Variants in KCTD1 observed in about 807,000 individuals in gnomAD.
KCTD1 encodes the protein potassium channel tetramerization domain containing 1.
In KCTD1, 24 loss-of-function variants were observed where a neutral mutation model predicts 66.0. The ratio of observed to expected loss-of-function variants is 0.36; its 90% CI spans 0.26 to 0.51. The LOEUF is 0.51. KCTD1 is among the 20% of genes least tolerant of loss of function. KCTD1 has a pLI of 0.95. For missense variants in KCTD1, 943 were observed against 1,205.2 expected (o/e 0.78, Z 3.22); for synonymous variants, 511 against 517.2 (o/e 0.99, Z 0.16).
rs1985027825 is a variant in KCTD1 at position 26,542,649 on chromosome 18, C to T, written c.1809+4079G>A. ...GGTCCTCGGAAAACAAAGGCTTCTT[C>T]CTGCTTGAAAACTACTTAGTAATGA... On this transcript the variant is annotated intron_variant, in intron 1 of 4. Transcript: ENST00000580059. Among the ~76,000 whole-genome samples the T allele has an allele frequency of 1.3e-5, 2 of 152,152 alleles. 1 individual carries two copies. Among genetic ancestry groups the T allele is most frequent in the South Asian group, 4.2e-4 (2 of 4,816 alleles).
At chr18:26,475,809 G>A (rs933309156) in intron 3 of KCTD1, among the ~76,000 whole-genome samples, 17 of 152,080 alleles carry the variant, frequency 1.1e-4, no homozygotes, top group Admixed American at 9.8e-4. Context: ...CCAAGATCAC[G>A]CCACTGCACT....
Position 26,521,552 on chromosome 18 carries a change from G to A in KCTD1, c.1810-20302C>T, listed in dbSNP as rs111867440. ...TGTCTCCTACAGGGCTACGGGCACAGTAAGAAAACAATAAATTTTTCCTTA... is the reference window on the plus strand; with the variant it reads ...TGTCTCCTACAGGGCTACGGGCACAATAAGAAAACAATAAATTTTTCCTTA... On this transcript the variant is annotated intron_variant, in intron 1 of 4. Transcript: ENST00000580059. Among the ~76,000 whole-genome samples, 88 of 152,358 alleles carry A rather than the reference G, an allele frequency of 5.8e-4. 1 individual carries two copies. The highest frequency in any genetic ancestry group is 2.0e-3 in the African/African-American group (82 of 41,572).
At chr18:26,625,107 G>C (rs112958281) in intron 1 of KCTD1, among the ~76,000 whole-genome samples, 46 of 152,240 alleles carry the variant, frequency 3.0e-4, no homozygotes, top group African/African-American at 1.0e-3. Flanking sequence ...CATTGTATCT[G>C]GGAAGAAACT....
At chr18:26,489,481 T>C (rs553963672) in intron 2 of KCTD1, among the ~76,000 whole-genome samples, 19 of 152,290 alleles carry the variant, frequency 1.2e-4, no homozygotes, top group African/African-American at 4.6e-4. Context: ...ACTTCCAGCT[T>C]CAAGCAATCC....
intron 1 of KCTD1, among the ~76,000 whole-genome samples, chr18:26,649,254 G>GT (rs1224849760): frequency 1.3e-5 from 2 of 152,178 alleles, no homozygotes; most frequent in Non-Finnish European, 2.9e-5. Flanking sequence ...TCAACCCAGA[G>GT]CATGGTAGAC....
upstream of KCTD1, among the ~76,000 whole-genome samples, chr18:26,632,288 A>G (rs1258596942): frequency 6.6e-6 from 1 of 152,040 alleles, no homozygotes; most frequent in Non-Finnish European, 1.5e-5. Flanking sequence ...CGGGAGGATG[A>G]GGCAGGAGAA....
At chr18:26,600,613 A>C (rs570255086) in intron 1 of KCTD1, among the ~76,000 whole-genome samples, 1 of 152,194 alleles carries the variant, frequency 6.6e-6, no homozygotes, top group African/African-American at 2.4e-5. Context: ...TGTGTCCTGA[A>C]GAAGCCCTTC....
At chr18:26,502,916 A>G (rs1482173657) in intron 1 of KCTD1, among the ~76,000 whole-genome samples, 1 of 152,210 alleles carries the variant, frequency 6.6e-6, no homozygotes, top group Non-Finnish European at 1.5e-5. Context: ...AACATCATAG[A>G]TTTTATGATC....
chr18:26,523,283 T>C (rs1416559271), intron 1 of KCTD1, among the ~76,000 whole-genome samples: 3 of 152,204 alleles, frequency 2.0e-5, no homozygotes, highest in East Asian at 1.9e-4. Flanking sequence ...TCTATTTCTT[T>C]AGATACCTAT....
At chr18:26,595,779 C>A (rs551413610) in intron 1 of KCTD1, among the ~76,000 whole-genome samples, 3 of 152,328 alleles carry the variant, frequency 2.0e-5, no homozygotes, top group Admixed American at 2.0e-4. Flanking sequence ...TTGGCTCACA[C>A]CGGTAATCCC....
At chr18:26,498,372 G>A (rs1306632327) in intron 2 of KCTD1, among the ~76,000 whole-genome samples, 1 of 151,152 alleles carries the variant, frequency 6.6e-6, no homozygotes, top group Non-Finnish European at 1.5e-5. Flanking sequence ...GTTAGGGGAG[G>A]GGTAGGTTTA....
intron 1 of KCTD1, among the ~76,000 whole-genome samples, chr18:26,638,276 A>G (rs1471533548): frequency 3.9e-5 from 6 of 152,208 alleles, no homozygotes; most frequent in African/African-American, 1.4e-4. Context: ...TTCCTAGAAG[A>G]CACTTGAATA....
chr18:26,598,409 C>T (rs539951462), intron 1 of KCTD1, among the ~76,000 whole-genome samples: 33 of 152,050 alleles, frequency 2.2e-4, no homozygotes, highest in East Asian at 1.4e-3. Context: ...TTATAAATGA[C>T]GCTGGAATGA....
intron 2 of KCTD1, among the ~76,000 whole-genome samples, chr18:26,478,732 C>T (rs182432251): frequency 9.2e-5 from 14 of 152,274 alleles, no homozygotes; most frequent in African/African-American, 3.4e-4. Flanking sequence ...TAGCTGTAAT[C>T]TAGGTGAATC....
At chr18:26,513,052 A>G (rs117390476) in intron 1 of KCTD1, among the ~76,000 whole-genome samples, 36 of 152,076 alleles carry the variant, frequency 2.4e-4, no homozygotes, top group South Asian at 6.2e-4. Context: ...AAATACCCCA[A>G]AGAATGCACC....
At chr18:26,651,899 C>T (rs1013226404) in intron 1 of KCTD1, among the ~76,000 whole-genome samples, 3 of 151,838 alleles carry the variant, frequency 2.0e-5, no homozygotes, top group South Asian at 2.1e-4. Context: ...ACCGAGGTTT[C>T]GGGCATGTTA....
chr18:26,548,959 C>T (rs964078764), upstream of KCTD1: 14 of 985,896 alleles, frequency 1.4e-5, no homozygotes, highest in African/African-American at 2.3e-4. Flanking sequence ...GGGACGGTCT[C>T]GTTTCTCTAA....
At chr18:26,480,290 C>T (rs775809522) in intron 2 of KCTD1, among the ~76,000 whole-genome samples, 1 of 152,164 alleles carries the variant, frequency 6.6e-6, no homozygotes, top group Admixed American at 6.5e-5. Flanking sequence ...TGTTTCAACT[C>T]TACCTCTATG....
chr18:26,633,357 A>G (rs1383461176), upstream of KCTD1, among the ~76,000 whole-genome samples: 1 of 152,180 alleles, frequency 6.6e-6, no homozygotes, highest in Non-Finnish European at 1.5e-5. Flanking sequence ...CAACAAAACA[A>G]GACAAATTAT....
Sources: gnomAD v4.1 joint callset for allele counts (sites outside exome capture counted in the v4.1 genomes callset) on GRCh38, gnomAD v4.1.1 for gene constraint, MANE v1.5 for transcripts, NCBI Gene and HGNC (gene_info 2026-07-23, HGNC 2026-07-21) for gene names.